The following TTC33 variants were observed in gnomAD, a reference collection of about 807,000 sequenced individuals.
TTC33 encodes tetratricopeptide repeat domain 33, also known as tetratricopeptide repeat protein 33.
TTC33 carries 24 observed loss-of-function variants against 29.4 expected under a neutral mutation model. The observed-to-expected ratio is 0.82, with a 90% CI of 0.59 to 1.15. The LOEUF is 1.15. TTC33 is among the 50% of genes most tolerant of loss of function. TTC33 has a pLI of 0.00. For missense variants in TTC33, 286 were observed against 310.4 expected (o/e 0.92, Z 0.59); for synonymous variants, 107 against 100.3 (o/e 1.07, Z -0.40).
rs935337013 is a variant in TTC33, at chr5:40,721,386, C to T, written c.436-4888G>A. Among the ~76,000 whole-genome samples the T allele has an allele frequency of 1.1e-4, 16 of 152,198 alleles. No homozygotes were observed. In the South Asian group the frequency reaches 2.7e-3, roughly 26 times the overall value. ...CAAAGTGACAGCAAACAAAACAATA[C>T]GATTCTGGCATAAAGTCAGATATAT... On this transcript the variant is annotated intron_variant, in intron 4 of 4. Transcript: ENST00000337702.
chr5:40,742,744 T>G (rs1742720350), intron 2 of TTC33, among the ~76,000 whole-genome samples: 1 of 152,180 alleles, frequency 6.6e-6, no homozygotes. Context: ...GTGCCATATT[T>G]TCATTCGGGA....
chr5:40,746,988 C>T lies in TTC33; in HGVS notation c.31G>A (p.Gly11Ser). 6.2e-7 allele frequency: 1 copy of T among 1,613,992 alleles called. No homozygotes were observed. Among genetic ancestry groups the T allele is most frequent in the Non-Finnish European group, 8.5e-7 (1 of 1,179,984 alleles). The change falls in exon 2 of 5, where the codon GGT becomes AGT. Residue 11 changes from glycine to serine, a missense_variant. By Grantham distance (56) the Gly-to-Ser change is moderately conservative (BLOSUM62 0). Transcript: ENST00000337702. MASFGWKRKIGEKVSKVTSQQ... is the reference protein window; with the variant it reads MASFGWKRKISEKVSKVTSQQ... ...GAAGTGACCTTTGAGACCTTCTCAC[C>T]AATTTTCCTCTTCCACCCAAAGGAA...
intron 1 of TTC33, among the ~76,000 whole-genome samples, chr5:40,748,265 C>T (rs1462124162): frequency 6.6e-6 from 1 of 151,984 alleles, no homozygotes; most frequent in South Asian, 2.1e-4. Flanking sequence ...GGCACGACCT[C>T]GGCTCATTGC....
intron 2 of TTC33, among the ~76,000 whole-genome samples, chr5:40,736,267 G>A (rs559466684): frequency 1.3e-5 from 2 of 152,286 alleles, no homozygotes; most frequent in African/African-American, 4.8e-5. Context: ...CAGAGCATGA[G>A]GCAAAACCAC....
Position 40,714,374 on chromosome 5 carries a change from AG to A in TTC33, c.*1770del, listed in dbSNP as rs1267950128. 6.6e-6 allele frequency: 1 copy of A among 152,186 alleles called. No homozygotes were observed. 9.4% of individuals were successfully genotyped at this position (152,186 alleles called of 1,614,324 possible). A position where few individuals can be genotyped will look rare whatever the true frequency, so the allele number is the denominator to read the frequency against. On this transcript the variant is annotated 3_prime_UTR_variant, in exon 5 of 5. Transcript: ENST00000337702. The stretch of plus-strand genomic sequence containing the variant: ...TACTTCATGTGTGAGGCACCATGCA[AG>A]GTACTTTAAATATATTAAGTTCATA...
intron 1 of TTC33, among the ~76,000 whole-genome samples, chr5:40,754,711 A>G (rs1359307217): frequency 2.0e-5 from 3 of 152,272 alleles, no homozygotes; most frequent in Non-Finnish European, 2.9e-5. Flanking sequence ...AAAGGATGCC[A>G]TGACATCAGA....
At chr5:40,717,197 C>G (rs1193652622) in intron 4 of TTC33, among the ~76,000 whole-genome samples, 2 of 140,822 alleles carry the variant, frequency 1.4e-5, no homozygotes, top group Non-Finnish European at 3.0e-5. Flanking sequence ...CCATTGCACT[C>G]CAGCCTGGGC....
At chr5:40,724,664 A>C (rs967408790) in intron 4 of TTC33, among the ~76,000 whole-genome samples, 1 of 152,106 alleles carries the variant, frequency 6.6e-6, no homozygotes, top group South Asian at 2.1e-4. Context: ...ACAAAAAAAA[A>C]CAGAACAATA....
chr5:40,744,776 A>C (rs1229569829), intron 2 of TTC33, among the ~76,000 whole-genome samples: 1 of 152,152 alleles, frequency 6.6e-6, no homozygotes, highest in Non-Finnish European at 1.5e-5. Flanking sequence ...TATTTTCTTC[A>C]CAGAGGACAA....
At position 40,716,257 on chromosome 5, in the gene TTC33, G is replaced by C. The variant is rs140209301; in HGVS notation, c.677C>G (p.Ser226Ter). The C allele has an allele frequency of 1.4e-3, 2,219 of 1,614,172 alleles. 4 individuals carry two copies. Among genetic ancestry groups the C allele is most frequent in the Non-Finnish European group, 1.5e-3 (1,787 of 1,180,044 alleles). The part of the protein sequence containing the change: ...AAIAEKEKTV[S>*]ANKTMVIVSA... ...CACAATAACCATTGTTTTATTTGCTGAAACTGTCTTCTCTTTCTCAGCAAT... is the reference window on the plus strand; with the variant it reads ...CACAATAACCATTGTTTTATTTGCTCAAACTGTCTTCTCTTTCTCAGCAAT... The change falls in exon 5 of 5, where the codon TCA becomes TGA. Residue 226 changes from serine (S) to a stop codon, truncating the protein, a stop_gained. Transcript: ENST00000337702. LOFTEE classifies it high-confidence loss of function.
chr5:40,722,449 C>G (rs1405799815), intron 4 of TTC33, among the ~76,000 whole-genome samples: 1 of 151,450 alleles, frequency 6.6e-6, no homozygotes, highest in Non-Finnish European at 1.5e-5. Context: ...GTCATCCAGT[C>G]TAGGAAGTGA....
intron 4 of TTC33, among the ~76,000 whole-genome samples, chr5:40,722,697 C>T (rs868113478): frequency 4.6e-5 from 7 of 151,752 alleles, no homozygotes; most frequent in African/African-American, 1.7e-4. Context: ...AAGTGAGGAG[C>T]GTCTCCGCCC....
intron 1 of TTC33, among the ~76,000 whole-genome samples, chr5:40,752,237 T>C (rs968298152): frequency 5.9e-5 from 9 of 152,250 alleles, no homozygotes; most frequent in African/African-American, 1.7e-4. Flanking sequence ...TGGTTTGATC[T>C]ATCTAGACCA....
At chr5:40,730,502 TCA>T (rs1742402258) in intron 2 of TTC33, among the ~76,000 whole-genome samples, 159 bp from the exon 3 acceptor site, 1 of 152,180 alleles carries the variant, frequency 6.6e-6, no homozygotes, top group Non-Finnish European at 1.5e-5. Flanking sequence ...TATAGTTCAT[TCA>T]CCTTTGTGTG....
intron 2 of TTC33, among the ~76,000 whole-genome samples, chr5:40,733,102 G>T (rs1310918087): frequency 6.6e-6 from 1 of 152,058 alleles, no homozygotes; most frequent in African/African-American, 2.4e-5. Context: ...ACTTTGTTCC[G>T]TTCATTATTT....
In TTC33 at chr5:40,722,758, G is replaced by A. The variant is rs999636333; in HGVS notation, c.435+5587C>T. ...CGGGGCAGCCCCTGCCCGGCCAGAC[G>A]CCCCGTCCCGGAGGTGGCGGGGCAG... is the stretch of plus-strand genomic sequence containing the variant. On this transcript the variant is annotated intron_variant, in intron 4 of 4. Transcript: ENST00000337702. 1.3e-4 allele frequency among the ~76,000 whole-genome samples: 20 copies of A among 150,898 alleles called. No homozygotes were observed. In the South Asian group the frequency reaches 2.7e-3, roughly 21 times the overall value.
intron 4 of TTC33, among the ~76,000 whole-genome samples, chr5:40,722,786 C>G (rs1742175437): frequency 6.6e-6 from 1 of 151,066 alleles, no homozygotes; most frequent in Admixed American, 6.6e-5. Flanking sequence ...CGGGGCAGCC[C>G]CCGCCCAGCC....
chr5:40,740,932 C>CT lies in TTC33; in HGVS notation c.221+5865dup, dbSNP rs1206923227. The stretch of plus-strand genomic sequence containing the variant: ...TCGTATTTTTCATTTCTAGATGTTC[C>CT]TTTTTTTAATATATCTTCCATTTCA... On this transcript the variant is annotated intron_variant, in intron 2 of 4. Transcript: ENST00000337702. Among the ~76,000 whole-genome samples the CT allele has an allele frequency of 2.6e-5, 4 of 152,176 alleles. No homozygotes were observed. In the South Asian group the frequency reaches 6.2e-4, roughly 24 times the overall value.
chr5:40,726,606 C>T (rs889080067), intron 4 of TTC33, among the ~76,000 whole-genome samples: 1 of 53,398 alleles, frequency 1.9e-5, no homozygotes, highest in Non-Finnish European at 3.8e-5. Flanking sequence ...TGAATAGAGC[C>T]ATATCAACAG....
Sources: allele counts gnomAD v4.1 joint callset (sites outside exome capture counted in the v4.1 genomes callset), GRCh38; gene constraint gnomAD v4.1.1; transcripts MANE v1.5; gene names NCBI Gene and HGNC (gene_info 2026-07-23, HGNC 2026-07-21).